The following CRTAC1 variants were observed in gnomAD, a reference collection of about 807,000 sequenced individuals.
CRTAC1 encodes cartilage acidic protein 1.
Under a neutral mutation model 67.8 loss-of-function variants are expected in CRTAC1, and 37 were observed. That is an observed-to-expected ratio of 0.55 (90% CI 0.42 to 0.72). The LOEUF (loss-of-function observed/expected upper bound fraction) is 0.72, where lower values mean the gene tolerates loss of function less well. CRTAC1 is among the 30% of genes least tolerant of loss of function. The pLI is 0.00. For missense variants in CRTAC1, 780 were observed against 931.6 expected (o/e 0.84, Z 2.12); for synonymous variants, 348 against 371.0 (o/e 0.94, Z 0.71).
At chr10:97,985,403 T>A (rs1437735088) in intron 2 of CRTAC1, among the ~76,000 whole-genome samples, 3 of 152,178 alleles carry the variant, frequency 2.0e-5, no homozygotes, top group African/African-American at 7.2e-5. Flanking sequence ...TACACCAGTC[T>A]ATGGGCTGCT....
At chr10:97,914,517 C>T (rs1260704603) in intron 5 of CRTAC1, among the ~76,000 whole-genome samples, 1 of 152,220 alleles carries the variant, frequency 6.6e-6, no homozygotes. Flanking sequence ...CCCACTACTG[C>T]CTAGGCTGTA....
intron 8 of CRTAC1, among the ~76,000 whole-genome samples, chr10:97,900,041 C>T (rs1003967402): frequency 2.6e-5 from 4 of 152,216 alleles, no homozygotes; most frequent in Non-Finnish European, 5.9e-5. Context: ...TCCTGGGCCT[C>T]ACCCCCTGAG....
chr10:97,923,093 G>A (rs1202405931), intron 4 of CRTAC1, among the ~76,000 whole-genome samples, 171 bp downstream of exon 4: 2 of 152,182 alleles, frequency 1.3e-5, no homozygotes, highest in East Asian at 3.9e-4. Flanking sequence ...GAGACAGGAT[G>A]TGAAAGGTAC....
intron 4 of CRTAC1, among the ~76,000 whole-genome samples, chr10:97,920,530 C>T (rs1437455860): frequency 6.6e-6 from 1 of 152,178 alleles, no homozygotes; most frequent in African/African-American, 2.4e-5. Flanking sequence ...TGGCCCCATC[C>T]CCTGAGTTTC....
At chr10:97,865,957 C>A (rs929842046) in intron 14 of CRTAC1, 15 of 512,924 alleles carry the variant, frequency 2.9e-5, no homozygotes, top group Middle Eastern at 5.2e-4. Flanking sequence ...CTGGGCCACA[C>A]AGAGACAGAT....
intron 2 of CRTAC1, among the ~76,000 whole-genome samples, chr10:97,947,305 G>A (rs772582530): frequency 2.0e-5 from 3 of 152,170 alleles, no homozygotes; most frequent in Non-Finnish European, 2.9e-5. Flanking sequence ...TAGCAAATAA[G>A]GAGTGGTCCC....
chr10:97,984,194 GGCTCTTAAAACACTCTA>G (rs1485106051), intron 2 of CRTAC1, among the ~76,000 whole-genome samples: 2 of 152,170 alleles, frequency 1.3e-5, no homozygotes, highest in Non-Finnish European at 2.9e-5. Flanking sequence ...ATTTTCCAAA[GGCTCTTAAAACACTCTA>G]GCTCTCAGGC....
At chr10:97,963,268 G>A (rs1367584646) in intron 2 of CRTAC1, among the ~76,000 whole-genome samples, 3 of 152,068 alleles carry the variant, frequency 2.0e-5, no homozygotes, top group African/African-American at 7.2e-5. Flanking sequence ...TTCCTGGACT[G>A]GTAGTTCTCA....
chr10:97,988,194 A>G (rs929814898), intron 2 of CRTAC1, among the ~76,000 whole-genome samples: 11 of 151,264 alleles, frequency 7.3e-5, no homozygotes, highest in African/African-American at 2.7e-4. Flanking sequence ...AGGCTCAGTT[A>G]ATCTGGTCTT....
chr10:98,028,052 G>A (rs1381684320), intron 1 of CRTAC1, among the ~76,000 whole-genome samples: 1 of 152,218 alleles, frequency 6.6e-6, no homozygotes, highest in East Asian at 1.9e-4. Context: ...TGGCTCTAAT[G>A]TTCTGGAACT....
chr10:97,927,142 A>G (rs2050932926), intron 3 of CRTAC1, among the ~76,000 whole-genome samples: 1 of 152,212 alleles, frequency 6.6e-6, no homozygotes, highest in Admixed American at 6.5e-5. Flanking sequence ...TGCGTTAGCT[A>G]TCTAGAGGAG....
intron 11 of CRTAC1, among the ~76,000 whole-genome samples, chr10:97,887,563 G>C (rs1266599203): frequency 6.6e-6 from 1 of 152,196 alleles, no homozygotes; most frequent in Non-Finnish European, 1.5e-5. Flanking sequence ...TTTGAGTACT[G>C]CTTCCGCAGC....
At chr10:97,953,602 T>A (rs549774407) in intron 2 of CRTAC1, among the ~76,000 whole-genome samples, 104 of 152,288 alleles carry the variant, frequency 6.8e-4, no homozygotes, top group South Asian at 1.2e-3. Flanking sequence ...GTCATCTGCG[T>A]CTGTAGTTGC....
At chr10:97,987,726 T>C (rs545654558) in intron 2 of CRTAC1, among the ~76,000 whole-genome samples, 1 of 152,392 alleles carries the variant, frequency 6.6e-6, no homozygotes, top group Non-Finnish European at 1.5e-5. Context: ...AGGGACCATG[T>C]ACCTCTTGGC....
intron 1 of CRTAC1, among the ~76,000 whole-genome samples, chr10:98,020,843 GGC>G (rs1843103625): frequency 6.6e-6 from 1 of 152,220 alleles, no homozygotes; most frequent in Non-Finnish European, 1.5e-5. Flanking sequence ...GAGTGACACA[GGC>G]CCAGTGGGCC....
intron 14 of CRTAC1, among the ~76,000 whole-genome samples, chr10:97,874,122 C>A (rs566461032): frequency 1.3e-5 from 2 of 152,288 alleles, no homozygotes; most frequent in African/African-American, 4.8e-5. Flanking sequence ...GAGGAGCAGC[C>A]GGCAACCCGG....
chr10:97,982,964 T>C (rs2051919260), intron 2 of CRTAC1, among the ~76,000 whole-genome samples: 1 of 152,248 alleles, frequency 6.6e-6, no homozygotes, highest in African/African-American at 2.4e-5. Context: ...CATTTAGCGA[T>C]GGTCAGTTGC....
intron 2 of CRTAC1, among the ~76,000 whole-genome samples, chr10:98,010,125 C>T (rs573011): frequency 0.29 from 43,231 of 151,486 alleles, 6,363 homozygotes; most frequent in Non-Finnish European, 0.32. Context: ...CTGCAACCTC[C>T]GCCTCCTGGG....
At chr10:97,867,613 A>G (rs1046276957) in intron 14 of CRTAC1, 1 of 152,154 alleles carries the variant, frequency 6.6e-6, no homozygotes, top group Non-Finnish European at 1.5e-5. Context: ...GCCACGGCCT[A>G]TGCCCTCCCT....
Sources: gnomAD v4.1 joint callset for allele counts (sites outside exome capture counted in the v4.1 genomes callset) on GRCh38, gnomAD v4.1.1 for gene constraint, MANE v1.5 for transcripts, NCBI Gene and HGNC (gene_info 2026-07-23, HGNC 2026-07-21) for gene names.